The following OASL variants were observed in gnomAD, a reference collection of about 807,000 sequenced individuals.
The protein encoded by OASL is 2'-5'-oligoadenylate synthase-like protein.
OASL carries 28 observed loss-of-function variants against 35.3 expected under a neutral mutation model. That is an observed-to-expected ratio of 0.79 (90% CI 0.59 to 1.09). The LOEUF (loss-of-function observed/expected upper bound fraction) is 1.09. OASL is among the 50% of genes least tolerant of loss of function. The pLI is 0.00. For synonymous variants in OASL, 252 were observed against 254.6 expected, an observed-to-expected ratio of 0.99 and a Z score of 0.10; for missense variants, 620 against 635.2, an observed-to-expected ratio of 0.98 and a Z score of 0.26.
At chr12:121,021,455 G>T (rs1290365913) in intron 5 of OASL, among the ~76,000 whole-genome samples, 1 of 152,246 alleles carries the variant, frequency 6.6e-6, no homozygotes. Flanking sequence ...GCCCCAGGTG[G>T]CTGGAGAGCA....
chr12:121,031,587 G>C lies in OASL; in HGVS notation c.512C>G (p.Pro171Arg), dbSNP rs774203528. 2.5e-6 allele frequency: 4 copies of C among 1,613,514 alleles called. No individual in the cohort carries two copies. In the African/African-American group the frequency reaches 5.3e-5, roughly 22 times the overall value. The change falls in exon 3 of 6, where the codon CCT (proline) becomes CGT (arginine). Residue 171 changes from proline to arginine, a missense_variant. By Grantham distance (103) the Pro-to-Arg change is moderately radical. Coordinates refer to ENST00000257570, the Ensembl canonical transcript of OASL. Reference sequence around the variant, plus strand: ...CTTGATCAGGCTCACATAGACCTCAGGGGGTGGCTGGGAGTTGGGAAGAGA... The same window carrying C: ...CTTGATCAGGCTCACATAGACCTCACGGGGTGGCTGGGAGTTGGGAAGAGA...
At chr12:121,024,467 A>T (rs1438468042) in intron 4 of OASL, among the ~76,000 whole-genome samples, 2 of 151,984 alleles carry the variant, frequency 1.3e-5, no homozygotes, top group Non-Finnish European at 2.9e-5. Flanking sequence ...AAATACAAAA[A>T]ATTAGCCAGG....
exon 6 of OASL, chr12:121,021,026 C>A (rs1265313886): frequency 6.2e-7 from 1 of 1,604,640 alleles, no homozygotes; most frequent in South Asian, 1.1e-5. Context: ...GGTAACCCCT[C>A]TGCTCCACTG....
At chr12:121,034,314 G>C (rs1273573868) in intron 1 of OASL, among the ~76,000 whole-genome samples, 1 of 151,980 alleles carries the variant, frequency 6.6e-6, no homozygotes, top group Admixed American at 6.6e-5. Flanking sequence ...CTACAGGCCT[G>C]CGCCACCATG....
exon 3 of OASL, chr12:121,031,551 C>T: frequency 6.2e-7 from 1 of 1,614,122 alleles, no homozygotes; most frequent in Non-Finnish European, 8.5e-7. Context: ...ATTTCCAGGA[C>T]CACCGCAGGC....
chr12:121,038,369 A>G (rs1870038008), intron 1 of OASL, among the ~76,000 whole-genome samples: 1 of 152,192 alleles, frequency 6.6e-6, no homozygotes, highest in South Asian at 2.1e-4. Context: ...AGATATATGT[A>G]CTATCTGATA....
At position 121,020,342 on chromosome 12, in the gene OASL, C is replaced by G. The variant is rs1451757696; in HGVS notation, c.*219G>C. 1.0e-5 allele frequency: 5 copies of G among 485,660 alleles called. No homozygotes were observed. The South Asian group carries it at 1.2e-4, about 12-fold the overall frequency. The allele number at this position is 485,660 out of a possible 1,614,324, so 30.1% of individuals were successfully genotyped here. A position where few individuals can be genotyped will look rare whatever the true frequency, so the allele number is the denominator to read the frequency against. ...TAGAGACGGGGTCTCCCTGTGATAC[C>G]CAGGCTGGTCTTGAACTCCTCGGCT... On this transcript the variant is annotated 3_prime_UTR_variant, in exon 6 of 6. Transcript: ENST00000257570.
At chr12:121,022,085 C>CT (rs66924657) in intron 5 of OASL, among the ~76,000 whole-genome samples, 38,301 of 107,994 alleles carry the variant, frequency 0.35, 8,059 homozygotes, top group Admixed American at 0.55. Flanking sequence ...AAGTTTTGTT[C>CT]TTTTTTTTTT....
intron 4 of OASL, among the ~76,000 whole-genome samples, chr12:121,025,778 C>A (rs1276393524): frequency 6.6e-6 from 1 of 150,494 alleles, no homozygotes; most frequent in Non-Finnish European, 1.5e-5. Flanking sequence ...AAAAACAAAA[C>A]CCAAAAACAA....
rs1555215271 is a variant in OASL, at chr12:121,025,768, A to AC, written c.900-1632_900-1631insG. 6.4e-4 allele frequency among the ~76,000 whole-genome samples: 97 copies of AC among 151,528 alleles called. 1 individual carries two copies. Among genetic ancestry groups the AC allele is most frequent in the Admixed American group, 4.3e-3 (66 of 15,180 alleles). ...CAGAGCAAGACTCCATTAAAAAAAA[A>AC]AAAACAAAACCCAAAAACAAACAAA... On this transcript the variant is annotated intron_variant, in intron 4 of 5. Transcript: ENST00000257570.
intron 3 of OASL, among the ~76,000 whole-genome samples, chr12:121,029,927 A>G (rs1869657505): frequency 6.6e-6 from 1 of 152,126 alleles, no homozygotes; most frequent in Non-Finnish European, 1.5e-5. Context: ...GAATAGATAA[A>G]AAAAATACCC....
At chr12:121,022,107 A>G (rs1188159922) in intron 5 of OASL, among the ~76,000 whole-genome samples, 1 of 76,004 alleles carries the variant, frequency 1.3e-5, no homozygotes, top group African/African-American at 4.7e-5. Context: ...TTTTTTTTTC[A>G]GATGGAATCT....
intron 5 of OASL, among the ~76,000 whole-genome samples, chr12:121,022,227 C>T (rs1246172282): frequency 2.0e-5 from 3 of 151,828 alleles, no homozygotes; most frequent in East Asian, 3.9e-4. Flanking sequence ...GCTGGGACTA[C>T]AGGCACATGC....
intron 2 of OASL, 74 bp from the exon 3 acceptor site, chr12:121,031,691 G>A (rs144529897): frequency 1.7e-5 from 23 of 1,344,860 alleles, no homozygotes; most frequent in Non-Finnish European, 2.2e-5. Flanking sequence ...ATTTTGGGGA[G>A]AGCCTGCCTT....
chr12:121,029,217 C>T (rs1356847821), intron 3 of OASL, among the ~76,000 whole-genome samples: 2 of 151,934 alleles, frequency 1.3e-5, no homozygotes, highest in East Asian at 3.8e-4. Flanking sequence ...TAGCTCCCAT[C>T]CCAAAGTCAG....
intron 4 of OASL, among the ~76,000 whole-genome samples, chr12:121,024,400 T>C (rs900945200): frequency 1.3e-5 from 2 of 152,078 alleles, no homozygotes; most frequent in Non-Finnish European, 2.9e-5. Context: ...GAGGATCACT[T>C]GAGGTCAGGA....
intron 2 of OASL, 105 bp from the exon 3 acceptor site, chr12:121,031,722 A>T: frequency 1.1e-6 from 1 of 930,728 alleles, no homozygotes; most frequent in Non-Finnish European, 1.7e-6. Flanking sequence ...GTATCCCTCC[A>T]GGGACACTTG....
At position 121,036,991 on chromosome 12, in the gene OASL, C is replaced by G. The variant is rs140322340; in HGVS notation, c.198+1783G>C. 1.8e-3 allele frequency among the ~76,000 whole-genome samples: 272 copies of G among 152,174 alleles called. 5 individuals carry two copies. Among genetic ancestry groups the G allele is most frequent in the East Asian group, 0.017 (89 of 5,176 alleles). On this transcript the variant is annotated intron_variant, in intron 1 of 5. Coordinates refer to ENST00000257570, the Ensembl canonical transcript of OASL. Reference sequence around the variant, plus strand: ...ACCACACAGCTGGTAAAGGAAGAAGCGAAGAGTCTGTCTAATATCAAAATT... The same window carrying G: ...ACCACACAGCTGGTAAAGGAAGAAGGGAAGAGTCTGTCTAATATCAAAATT...
rs529396226 is a variant in OASL at position 121,035,939 on chromosome 12, C to G, written c.199-2196G>C. Among the ~76,000 whole-genome samples the G allele has an allele frequency of 2.0e-5, 3 of 152,298 alleles. No homozygotes were observed. The South Asian group carries it at 6.2e-4, about 32-fold the overall frequency. ...ATGGCACGATCTTCACTCACTGAAG[C>G]CTCGACCTCCTGGGCTTAAGCAATC... On this transcript the variant is annotated intron_variant, in intron 1 of 5. Coordinates refer to ENST00000257570, the Ensembl canonical transcript of OASL.
Sources: allele counts gnomAD v4.1 joint callset (sites outside exome capture counted in the v4.1 genomes callset), GRCh38; gene constraint gnomAD v4.1.1; transcripts MANE v1.5; gene names NCBI Gene and HGNC (gene_info 2026-07-23, HGNC 2026-07-21).